Variants in CSMD1 observed in about 807,000 individuals in gnomAD.
The protein encoded by CSMD1 is CUB and Sushi multiple domains 1.
A neutral mutation model predicts 417.5 loss-of-function variants in CSMD1; 213 were observed. The observed-to-expected ratio is 0.51, with a 90% CI of 0.46 to 0.57. CSMD1 has a LOEUF of 0.57. Ranked by LOEUF, CSMD1 falls within the 20% of genes least tolerant of loss-of-function variation. The probability of loss-of-function intolerance (pLI) is 0.00; values close to 1 mark genes in which losing one functional copy is unlikely to be tolerated. For missense variants in CSMD1, 6,923 were observed against 4,529.7 expected, an observed-to-expected ratio of 1.53 and a Z score of -15.17; for synonymous variants, 2,862 against 1,736.8, an observed-to-expected ratio of 1.65 and a Z score of -16.11.
chr8:4,569,115 G>C (rs774844666), intron 2 of CSMD1, among the ~76,000 whole-genome samples: 4 of 151,404 alleles, frequency 2.6e-5, no homozygotes, highest in African/African-American at 2.4e-5. Flanking sequence ...TTGTTTGTTT[G>C]TTTGTTTGCT....
intron 8 of CSMD1, among the ~76,000 whole-genome samples, chr8:3,609,233 C>A (rs1204218765): frequency 6.6e-6 from 1 of 152,146 alleles, no homozygotes; most frequent in East Asian, 1.9e-4. Context: ...CCTGTTAGCA[C>A]AGAAAGACAG....
intron 26 of CSMD1, among the ~76,000 whole-genome samples, chr8:3,281,986 G>C (rs1021853009): frequency 6.6e-6 from 1 of 152,090 alleles, no homozygotes. Context: ...TTCCCCGGTC[G>C]TGGAAGATGT....
At chr8:3,385,294 G>C (rs565398216) in intron 18 of CSMD1, among the ~76,000 whole-genome samples, 1 of 149,178 alleles carries the variant, frequency 6.7e-6, no homozygotes, top group East Asian at 2.0e-4. Flanking sequence ...TATGTATATA[G>C]GCCTTTACAT....
chr8:3,947,687 A>T (rs910529223), intron 5 of CSMD1, among the ~76,000 whole-genome samples: 2 of 152,208 alleles, frequency 1.3e-5, no homozygotes, highest in African/African-American at 4.8e-5. Flanking sequence ...AATATAACAT[A>T]GTATCAAACA....
chr8:4,568,363 G>C (rs1356582192), intron 2 of CSMD1, among the ~76,000 whole-genome samples: 2 of 152,138 alleles, frequency 1.3e-5, no homozygotes, highest in Admixed American at 6.5e-5. Flanking sequence ...TTATGACTGA[G>C]AACATGCGTT....
intron 1 of CSMD1, among the ~76,000 whole-genome samples, chr8:4,872,046 A>T (rs557941530): frequency 6.6e-6 from 1 of 152,260 alleles, no homozygotes; most frequent in South Asian, 2.1e-4. Context: ...TGCAGACAAT[A>T]TTAATAAATA....
At chr8:3,481,948 C>T (rs1243247975) in intron 11 of CSMD1, among the ~76,000 whole-genome samples, 1 of 152,124 alleles carries the variant, frequency 6.6e-6, no homozygotes, top group East Asian at 1.9e-4. Flanking sequence ...TCTATAGTAA[C>T]AGTAGGAAAT....
At chr8:3,321,160 T>C (rs556601375) in intron 23 of CSMD1, among the ~76,000 whole-genome samples, 5 of 152,038 alleles carry the variant, frequency 3.3e-5, no homozygotes, top group Non-Finnish European at 7.4e-5. Context: ...GTGGGTCGAA[T>C]CCTTTGCTTT....
chr8:3,709,229 C>A (rs79941056), intron 6 of CSMD1, among the ~76,000 whole-genome samples: 4 of 149,170 alleles, frequency 2.7e-5, no homozygotes, highest in African/African-American at 9.9e-5. Flanking sequence ...ATGTTATGAT[C>A]TTCTAAGCTA....
At position 4,433,919 on chromosome 8, in the gene CSMD1, C is replaced by CA. The variant is rs576916322; in HGVS notation, c.303-13855dup. On this transcript the variant is annotated intron_variant, in intron 2 of 69. Coordinates refer to ENST00000635120, the MANE Select transcript of CSMD1 (RefSeq NM_033225.6). ...TACAAAAGTCAGGATAAGAACACAG[C>CA]AAAAAAGGGGGAAACTTGTAGAATT... Among the ~76,000 whole-genome samples, 25 of 152,004 alleles carry CA rather than the reference C, an allele frequency of 1.6e-4. No homozygotes were observed. In the South Asian group the frequency reaches 4.6e-3, roughly 28 times the overall value.
intron 1 of CSMD1, among the ~76,000 whole-genome samples, chr8:4,837,846 T>C (rs1183038508): frequency 6.6e-6 from 1 of 151,980 alleles, no homozygotes; most frequent in Non-Finnish European, 1.5e-5. Flanking sequence ...CATGCCTATA[T>C]CAAAACATTT....
At chr8:3,238,858 G>A (rs945868410) in intron 26 of CSMD1, among the ~76,000 whole-genome samples, 1 of 152,186 alleles carries the variant, frequency 6.6e-6, no homozygotes, top group Non-Finnish European at 1.5e-5. Flanking sequence ...GATATCAGCT[G>A]TAATGGCTTG....
chr8:3,687,922 C>T (rs1432686663), intron 7 of CSMD1, among the ~76,000 whole-genome samples: 1 of 152,206 alleles, frequency 6.6e-6, no homozygotes. Flanking sequence ...TGAGTAAATG[C>T]CTCTCTGCAC....
At chr8:4,991,998 T>TG (rs1811492905) in intron 1 of CSMD1, among the ~76,000 whole-genome samples, 2 of 151,950 alleles carry the variant, frequency 1.3e-5, no homozygotes, top group Non-Finnish European at 2.9e-5. Flanking sequence ...CGCACACACT[T>TG]GCGCACAGCA....
At chr8:4,789,553 A>G (rs542205023) in intron 1 of CSMD1, among the ~76,000 whole-genome samples, 1 of 152,232 alleles carries the variant, frequency 6.6e-6, no homozygotes, top group South Asian at 2.1e-4. Flanking sequence ...TCTACCACCA[A>G]AGCTTTTGTT....
chr8:4,972,744 A>G (rs956319913), intron 1 of CSMD1, among the ~76,000 whole-genome samples: 9 of 143,794 alleles, frequency 6.3e-5, no homozygotes, highest in African/African-American at 2.3e-4. Flanking sequence ...TTTGAAGATT[A>G]CCAACACATT....
chr8:3,413,307 G>A lies in CSMD1; in HGVS notation c.1562-3702C>T, dbSNP rs186567130. Among the ~76,000 whole-genome samples, 4 of 152,272 alleles carry A rather than the reference G, an allele frequency of 2.6e-5. No homozygotes were observed. The South Asian group carries it at 8.3e-4, about 32-fold the overall frequency. On this transcript the variant is annotated intron_variant, in intron 12 of 69. Coordinates refer to ENST00000635120, the MANE Select transcript of CSMD1 (RefSeq NM_033225.6). The stretch of plus-strand genomic sequence containing the variant: ...TAATTAACTCAGGGAGCTCTACTGT[G>A]CAGAGGTTTCAGAAATTAAATGAGG...
At chr8:4,361,594 C>T (rs7837578) in intron 3 of CSMD1, among the ~76,000 whole-genome samples, 51,854 of 151,964 alleles carry the variant, frequency 0.34, 9,750 homozygotes, top group African/African-American at 0.5. Context: ...ACGCAGTTGC[C>T]CTATTTTATA....
At chr8:3,464,946 G>A (rs1241306506) in intron 12 of CSMD1, among the ~76,000 whole-genome samples, 1 of 151,946 alleles carries the variant, frequency 6.6e-6, no homozygotes, top group Admixed American at 6.6e-5. Context: ...AATTTGCTTA[G>A]GGGAAATTAT....
Sources: allele counts gnomAD v4.1 joint callset (sites outside exome capture counted in the v4.1 genomes callset), GRCh38; gene constraint gnomAD v4.1.1; transcripts MANE v1.5; gene names NCBI Gene and HGNC (gene_info 2026-07-23, HGNC 2026-07-21).